NELL1: variants seen among roughly 807,000 people sequenced by gnomAD.
NELL1 encodes the protein neural EGFL like 1, also known as protein kinase C-binding protein NELL1.
In NELL1, 76 loss-of-function variants were observed where a neutral mutation model predicts 107.4. The observed-to-expected ratio is 0.71, with a 90% CI of 0.59 to 0.86. The LOEUF is 0.86. Among genes scored for constraint, NELL1 ranks in the 40% least tolerant of loss-of-function variants. NELL1 has a pLI of 0.00. For missense variants in NELL1, 1,024 were observed against 1,005.5 expected, an observed-to-expected ratio of 1.02 and a Z score of -0.25; for synonymous variants, 353 against 341.2, an observed-to-expected ratio of 1.03 and a Z score of -0.38.
chr11:20,774,965 C>T (rs1048571534), intron 2 of NELL1, among the ~76,000 whole-genome samples: 1 of 151,902 alleles, frequency 6.6e-6, no homozygotes, highest in Non-Finnish European at 1.5e-5. Context: ...GAAAAAAAAA[C>T]CCTGTTGTCC....
At chr11:20,682,443 C>T (rs1482741415) in intron 2 of NELL1, among the ~76,000 whole-genome samples, 1 of 151,872 alleles carries the variant, frequency 6.6e-6, no homozygotes, top group Non-Finnish European at 1.5e-5. Flanking sequence ...ACTTAAAACA[C>T]ATTCCGATTT....
chr11:21,379,897 T>G (rs1851570049), intron 15 of NELL1, among the ~76,000 whole-genome samples: 1 of 152,094 alleles, frequency 6.6e-6, no homozygotes, highest in Non-Finnish European at 1.5e-5. Context: ...ATCCATCTAT[T>G]GGTAACTGCT....
At chr11:21,548,940 AGGAATT>A (rs1856509596) in intron 16 of NELL1, among the ~76,000 whole-genome samples, 1 of 151,058 alleles carries the variant, frequency 6.6e-6, no homozygotes, top group African/African-American at 2.4e-5. Flanking sequence ...AAAGCAGGAA[AGGAATT>A]TTACTGTACT....
At chr11:21,287,177 C>G (rs77180738) in intron 14 of NELL1, among the ~76,000 whole-genome samples, 2,160 of 152,268 alleles carry the variant, frequency 0.014, 61 homozygotes, top group African/African-American at 0.049. Context: ...TCTGCTGATT[C>G]ATCAAGTCTC....
chr11:21,405,405 G>A (rs61885549), intron 15 of NELL1, among the ~76,000 whole-genome samples: 99,488 of 151,412 alleles, frequency 0.66, 33,206 homozygotes, highest in African/African-American at 0.72. Context: ...AATTTTTTCT[G>A]TTGTGTTTAT....
chr11:20,880,237 T>C lies in NELL1; in HGVS notation c.507-5207T>C, dbSNP rs571988009. ...TCAAAGCATAAGTAAGCATCTAAGA[T>C]ATTGAGACTTCCCATCTCAGTGGGT... On this transcript the variant is annotated intron_variant, in intron 4 of 19. Transcript: ENST00000357134. 9.8e-5 allele frequency among the ~76,000 whole-genome samples: 15 copies of C among 152,350 alleles called. No homozygotes were observed. The East Asian group carries it at 2.9e-3, about 29-fold the overall frequency.
Position 21,136,484 on chromosome 11 carries a change from C to T in NELL1, c.1426+22770C>T, listed in dbSNP as rs527973976. ...GTAATCTATGTATTTAGTAGCATTT[C>T]CTATATTTCCAATATAGAAATTGTT... On this transcript the variant is annotated intron_variant, in intron 13 of 19. Coordinates refer to ENST00000357134, the MANE Select transcript of NELL1 (RefSeq NM_006157.5). Among the ~76,000 whole-genome samples the T allele has an allele frequency of 4.6e-5, 7 of 152,228 alleles. No homozygotes were observed. In the East Asian group the frequency reaches 1.4e-3, roughly 29 times the overall value.
intron 12 of NELL1, 28 bp from the exon 13 acceptor site, chr11:21,113,561 A>G (rs770078063): frequency 1.2e-6 from 2 of 1,602,224 alleles, no homozygotes; most frequent in South Asian, 1.1e-5. Context: ...TTTGCTAACC[A>G]TGATCTTACT....
chr11:21,472,746 G>GTGTC (rs1854214686), intron 15 of NELL1, among the ~76,000 whole-genome samples: 3 of 151,928 alleles, frequency 2.0e-5, no homozygotes, highest in Admixed American at 2.0e-4. Flanking sequence ...GATGACACAA[G>GTGTC]TGTCTAGGTA....
intron 5 of NELL1, among the ~76,000 whole-genome samples, chr11:20,889,069 G>C (rs920351342): frequency 1.3e-5 from 2 of 152,138 alleles, no homozygotes; most frequent in Non-Finnish European, 2.9e-5. Context: ...TTCATCTCTT[G>C]AAGGGCTGCT....
At chr11:20,977,730 T>G (rs550724346) in intron 12 of NELL1, among the ~76,000 whole-genome samples, 95 of 152,326 alleles carry the variant, frequency 6.2e-4, no homozygotes, top group African/African-American at 2.3e-3. Flanking sequence ...CTGTTGACTC[T>G]CTAATAACCA....
chr11:21,392,360 C>G (rs183934368), intron 15 of NELL1, among the ~76,000 whole-genome samples: 2 of 151,810 alleles, frequency 1.3e-5, no homozygotes, highest in East Asian at 3.9e-4. Context: ...CAATAAGTTG[C>G]TTCTTGGCTT....
chr11:21,287,802 A>T (rs1309368590), intron 14 of NELL1, among the ~76,000 whole-genome samples: 3 of 151,716 alleles, frequency 2.0e-5, no homozygotes, highest in Non-Finnish European at 4.4e-5. Flanking sequence ...ACAGCTCTCT[A>T]TATACACTAT....
intron 2 of NELL1, among the ~76,000 whole-genome samples, chr11:20,744,834 G>C (rs1855968492): frequency 6.6e-6 from 1 of 152,214 alleles, no homozygotes; most frequent in Non-Finnish European, 1.5e-5. Context: ...CTGAATGACA[G>C]TCCAGACCAT....
rs183771750 is a variant in NELL1 at position 21,084,616 on chromosome 11, A to G, written c.1301-28973A>G. Reference sequence around the variant, plus strand: ...CAGGGCTAACTCTAGGGGCATACCAAGAGAATAGAGGCACCAGGGGCATTT... The same window carrying G: ...CAGGGCTAACTCTAGGGGCATACCAGGAGAATAGAGGCACCAGGGGCATTT... On this transcript the variant is annotated intron_variant, in intron 12 of 19. Transcript: ENST00000357134. Among the ~76,000 whole-genome samples, 646 of 152,256 alleles carry G rather than the reference A, an allele frequency of 4.2e-3. 9 individuals are homozygous for G. The highest frequency in any genetic ancestry group is 0.015 in the African/African-American group (634 of 41,540).
intron 15 of NELL1, among the ~76,000 whole-genome samples, chr11:21,380,488 C>T (rs1225002410): frequency 1.3e-5 from 2 of 152,048 alleles, no homozygotes; most frequent in Non-Finnish European, 2.9e-5. Flanking sequence ...ATGTTTGGAG[C>T]AGCTGAGAAG....
chr11:21,242,827 T>C (rs1402594311), intron 14 of NELL1, among the ~76,000 whole-genome samples: 2 of 152,158 alleles, frequency 1.3e-5, no homozygotes, highest in East Asian at 3.9e-4. Context: ...AACTGCTTTA[T>C]GGGTCACTTG....
At chr11:21,025,061 T>G (rs1034617136) in intron 12 of NELL1, among the ~76,000 whole-genome samples, 19 of 152,280 alleles carry the variant, frequency 1.2e-4, no homozygotes, top group Admixed American at 1.2e-3. Context: ...GAGCTTGTCT[T>G]GGGGACCATG....
intron 13 of NELL1, among the ~76,000 whole-genome samples, chr11:21,170,697 ATACTGTATTATATATATATATATC>A (rs1856587506): frequency 2.0e-5 from 1 of 49,114 alleles, no homozygotes; most frequent in Non-Finnish European, 4.6e-5. Flanking sequence ...GTTTATATAT[ATACTGTATTATATATATATATATC>A]TGTCACTCTA....
Sources: gnomAD v4.1 joint callset for allele counts (sites outside exome capture counted in the v4.1 genomes callset) on GRCh38, gnomAD v4.1.1 for gene constraint, MANE v1.5 for transcripts, NCBI Gene and HGNC (gene_info 2026-07-23, HGNC 2026-07-21) for gene names.